RTCA: variants seen among roughly 807,000 people sequenced by gnomAD.
The protein encoded by RTCA is RNA terminal phosphate cyclase domain 1.
A neutral mutation model predicts 46.1 loss-of-function variants in RTCA; 37 were observed. That is an observed-to-expected ratio of 0.80 (90% confidence interval 0.62 to 1.06). The LOEUF (loss-of-function observed/expected upper bound fraction) is 1.06. RTCA is among the 50% of genes least tolerant of loss of function. The pLI is 0.00. For missense variants in RTCA, 435 were observed against 455.5 expected (o/e 0.95, Z 0.41); for synonymous variants, 164 against 158.3 (o/e 1.04, Z -0.27).
intron 8 of RTCA, among the ~76,000 whole-genome samples, chr1:100,281,671 C>T (rs532895841): frequency 6.6e-6 from 1 of 152,078 alleles, no homozygotes; most frequent in South Asian, 2.1e-4. Flanking sequence ...CACCTTCCTT[C>T]CCTCCCTCAG....
Position 100,273,596 on chromosome 1 carries a change from A to C in RTCA, c.473+144A>C, listed in dbSNP as rs1455046389. On this transcript the variant is annotated intron_variant, in intron 5 of 10. Transcript: ENST00000370128. ...GAAGTAATTGTACTTTGTGGCTTAA[A>C]AATAATGAATAGCAGGAGCATGGGG... 3 of 497,222 alleles carry C rather than the reference A, an allele frequency of 6.0e-6. No homozygotes were observed. The East Asian group carries it at 1.0e-4, about 17-fold the overall frequency. The allele number at this position is 497,222 out of a possible 1,614,324, so 30.8% of individuals were successfully genotyped here. A position where few individuals can be genotyped will look rare whatever the true frequency, so the allele number is the denominator to read the frequency against.
Position 100,291,504 on chromosome 1 carries a change from G to T in RTCA, c.1101G>T (p.Ter367TyrextTer17). The T allele has an allele frequency of 6.4e-7, 1 of 1,568,482 alleles. No homozygotes were observed. Among genetic ancestry groups the T allele is most frequent in the South Asian group, 1.1e-5 (1 of 89,162 alleles). ...QGIGMTNPNL* is the reference protein window; with the variant it reads ...QGIGMTNPNLY ...TTGGGATGACAAATCCAAATCTATA[G>T]AGTATTTGCCTCTTAAATGATACCT... Residue 367 changes from the stop codon to tyrosine, a stop_lost, in exon 11 of 11, where the codon TAG (stop) becomes TAT (tyrosine). Transcript: ENST00000370128.
intron 2 of RTCA, 165 bp downstream of exon 2, chr1:100,266,789 TAA>T: frequency 1.6e-6 from 1 of 609,178 alleles, no homozygotes; most frequent in South Asian, 2.0e-5. Context: ...GCCTGGGTTG[TAA>T]AGTCTTGAAA....
chr1:100,285,193 GTTT>G, intron 8 of RTCA, 32 bp from the exon 9 acceptor site: 1 of 1,522,726 alleles, frequency 6.6e-7, no homozygotes, highest in Non-Finnish European at 9.1e-7. Context: ...GTTTTGTTTT[GTTT>G]TGTTTTGTTT....
chr1:100,283,924 AAAAAAAAAAAG>A (rs1231363283), intron 8 of RTCA, among the ~76,000 whole-genome samples: 2 of 38,264 alleles, frequency 5.2e-5, no homozygotes, highest in Middle Eastern at 8.1e-3. Context: ...CTAGTCGCTA[AAAAAAAAAAAG>A]AAAAAAAAAA....
chr1:100,284,760 G>C (rs1260540062), intron 8 of RTCA, among the ~76,000 whole-genome samples: 2 of 152,118 alleles, frequency 1.3e-5, no homozygotes, highest in African/African-American at 2.4e-5. Context: ...CTAGGATTTG[G>C]GAGGGGAATT....
At chr1:100,269,514 TG>T (rs1487677891) in intron 3 of RTCA, among the ~76,000 whole-genome samples, 1 of 152,002 alleles carries the variant, frequency 6.6e-6, no homozygotes, top group South Asian at 2.1e-4. Context: ...TTAAATTTTT[TG>T]TAAAGATGGA....
intron 4 of RTCA, among the ~76,000 whole-genome samples, 185 bp from the exon 5 acceptor site, chr1:100,273,209 T>C (rs1251442094): frequency 6.6e-6 from 1 of 152,206 alleles, no homozygotes; most frequent in African/African-American, 2.4e-5. Context: ...AATGTCAAAC[T>C]TTTAAATTTA....
chr1:100,271,237 A>C (rs1397877916), intron 4 of RTCA, among the ~76,000 whole-genome samples: 1 of 152,026 alleles, frequency 6.6e-6, no homozygotes, highest in East Asian at 1.9e-4. Context: ...TGAGCTTAGA[A>C]GTTCAAGACC....
Position 100,274,957 on chromosome 1 carries a change from C to T in RTCA, c.607C>T (p.Pro203Ser). 6.2e-7 allele frequency: 1 copy of T among 1,602,350 alleles called. No individual in the cohort carries two copies. The highest frequency in any genetic ancestry group is 8.5e-7 in the Non-Finnish European group (1 of 1,171,966). The stretch of plus-strand genomic sequence containing the variant: ...AAGAGCTTTCGTTGCTGGTGTTTTG[C>T]CATTTAAAGTAAGTTGTTTAGATGT... ...YGRAFVAGVL[P>S]FKVAKDMAAA... The change falls in exon 6 of 11, where the codon CCA (proline) becomes TCA (serine). Residue 203 changes from proline (P) to serine (S), a missense_variant. Transcript: ENST00000370128.
At chr1:100,288,568 G>A (rs1232840279) in intron 10 of RTCA, among the ~76,000 whole-genome samples, 1 of 151,612 alleles carries the variant, frequency 6.6e-6, no homozygotes, top group African/African-American at 2.4e-5. Flanking sequence ...ATTTTTTGAT[G>A]TTTTGTAGAG....
intron 8 of RTCA, among the ~76,000 whole-genome samples, chr1:100,282,545 G>A (rs1570887182): frequency 6.6e-6 from 1 of 152,234 alleles, no homozygotes; most frequent in African/African-American, 2.4e-5. Flanking sequence ...TCTAATATAT[G>A]TGTATTTTAA....
intron 2 of RTCA, chr1:100,267,469 G>C: frequency 1.3e-6 from 2 of 1,509,966 alleles, no homozygotes; most frequent in Non-Finnish European, 1.8e-6. Context: ...ACAGAGTGGA[G>C]CTTAAACAAC....
In RTCA at chr1:100,275,711, G is replaced by A; in HGVS notation, c.728G>A (p.Gly243Glu). Residue 243 changes from glycine (G) to glutamate (E), a missense_variant, in exon 7 of 11, where the codon GGA (glycine) becomes GAA (glutamate). Physicochemically the swap from Gly to Glu is moderately conservative, Grantham distance 98 (BLOSUM62 -2). Transcript: ENST00000370128. The part of the protein sequence containing the change: ...QEPKDQAFGN[G>E]NGIIIIAETS... Reference sequence around the variant, plus strand: ...CCTAAAGACCAAGCATTTGGCAATGGAAATGGAATAATGTGAGACAATACT... The same window carrying A: ...CCTAAAGACCAAGCATTTGGCAATGAAAATGGAATAATGTGAGACAATACT... 1.9e-6 allele frequency: 3 copies of A among 1,609,856 alleles called. No homozygotes were observed. The highest frequency in any genetic ancestry group is 2.5e-6 in the Non-Finnish European group (3 of 1,178,046).
chr1:100,287,420 A>C (rs1667085691), intron 10 of RTCA, among the ~76,000 whole-genome samples: 1 of 152,172 alleles, frequency 6.6e-6, no homozygotes, highest in African/African-American at 2.4e-5. Context: ...AATATGAGTA[A>C]AGTGAGGCAG....
intron 2 of RTCA, 21 bp downstream of exon 2, chr1:100,266,645 A>G: frequency 1.3e-6 from 2 of 1,566,902 alleles, no homozygotes; most frequent in Non-Finnish European, 1.7e-6. Flanking sequence ...CTGGAGGGGG[A>G]GTTGGGCCGT....
intron 8 of RTCA, among the ~76,000 whole-genome samples, chr1:100,279,319 G>A (rs1666562475): frequency 6.6e-6 from 1 of 152,098 alleles, no homozygotes; most frequent in Admixed American, 6.6e-5. Flanking sequence ...GTATCCCCAG[G>A]GTACCATAGG....
intron 7 of RTCA, among the ~76,000 whole-genome samples, chr1:100,276,027 G>A (rs1413140705): frequency 6.6e-6 from 1 of 151,876 alleles, no homozygotes; most frequent in African/African-American, 2.4e-5. Context: ...AGTAGAGACA[G>A]GGTTTCACCG....
Position 100,270,648 on chromosome 1 carries a change from G to A in RTCA, c.382G>A (p.Glu128Lys), listed in dbSNP as rs769427062. 1 of 1,614,098 alleles carries A rather than the reference G, an allele frequency of 6.2e-7. No homozygotes were observed. Among genetic ancestry groups the A allele is most frequent in the Non-Finnish European group, 8.5e-7 (1 of 1,180,000 alleles). Reference sequence around the variant, plus strand: ...TCATTTGAAAGGTGGAACTAATGCTGAAATGGCACCACAGATCGATTATAC... The same window carrying A: ...TCATTTGAAAGGTGGAACTAATGCTAAAATGGCACCACAGATCGATTATAC... Reference protein sequence around the residue: ...ELHLKGGTNAEMAPQIDYTVM... With the variant: ...ELHLKGGTNAKMAPQIDYTVM... The change falls in exon 4 of 11, where the codon GAA (glutamate) becomes AAA (lysine). Residue 128 changes from glutamate (E) to lysine (K), a missense_variant. Coordinates refer to ENST00000370128, the MANE Select transcript of RTCA (RefSeq NM_003729.4).
Sources: gnomAD v4.1 joint callset for allele counts (sites outside exome capture counted in the v4.1 genomes callset) on GRCh38, gnomAD v4.1.1 for gene constraint, MANE v1.5 for transcripts, NCBI Gene and HGNC (gene_info 2026-07-23, HGNC 2026-07-21) for gene names.